RNF138: variants seen among roughly 807,000 people sequenced by gnomAD.
The protein encoded by RNF138 is E3 ubiquitin-protein ligase RNF138.
RNF138 carries 12 observed loss-of-function variants against 31.0 expected under a neutral mutation model. The ratio of observed to expected loss-of-function variants is 0.39; its 90% CI spans 0.25 to 0.63. The LOEUF is 0.63. Ranked by LOEUF, RNF138 falls within the 20% of genes least tolerant of loss-of-function variation. The pLI is 0.52. For missense variants in RNF138, 192 were observed against 300.1 expected (o/e 0.64, Z 2.66); for synonymous variants, 105 against 99.5 (o/e 1.06, Z -0.33).
At position 32,092,708 on chromosome 18, in the gene RNF138, G is replaced by T. The variant is rs1238051203; in HGVS notation, c.-69G>T. On this transcript the variant is annotated 5_prime_UTR_variant, in exon 2 of 8. Coordinates refer to ENST00000261593, the MANE Select transcript of RNF138 (RefSeq NM_016271.5). ...CCTCCGGGTTCATGTAGGGAGTCGG[G>T]CCCCGGGCCGCCACCGTCACCTCGG... 2 of 949,104 alleles carry T rather than the reference G, an allele frequency of 2.1e-6. No individual in the cohort carries two copies. Among genetic ancestry groups the T allele is most frequent in the Admixed American group, 4.1e-5 (2 of 48,900 alleles). The allele number at this position is 949,104 out of a possible 1,614,324, so 58.8% of individuals were successfully genotyped here. A position where few individuals can be genotyped will look rare whatever the true frequency, so the allele number is the denominator to read the frequency against.
At chr18:32,123,139 T>A (rs16962717) in intron 4 of RNF138, among the ~76,000 whole-genome samples, 4,308 of 152,228 alleles carry the variant, frequency 0.028, 217 homozygotes, top group African/African-American at 0.099. Flanking sequence ...GTAAAAAAGT[T>A]CACAAATTCT....
chr18:32,105,740 T>C (rs2040017651), intron 2 of RNF138, among the ~76,000 whole-genome samples: 1 of 152,216 alleles, frequency 6.6e-6, no homozygotes, highest in South Asian at 2.1e-4. Flanking sequence ...GTCTAAAAGT[T>C]AAAAAATTTC....
intron 3 of RNF138, among the ~76,000 whole-genome samples, chr18:32,113,001 G>A (rs2040158252): frequency 6.6e-6 from 1 of 152,190 alleles, no homozygotes; most frequent in African/African-American, 2.4e-5. Context: ...ATGACGTGAA[G>A]CTGGAAAACA....
intron 5 of RNF138, 157 bp from the exon 6 acceptor site, chr18:32,124,577 C>T: frequency 3.5e-6 from 2 of 577,352 alleles, no homozygotes; most frequent in Non-Finnish European, 6.2e-6. Flanking sequence ...TGTAATGCAT[C>T]ATTTCCTGAA....
At chr18:32,104,186 G>C (rs946179232) in intron 2 of RNF138, among the ~76,000 whole-genome samples, 1 of 151,468 alleles carries the variant, frequency 6.6e-6, no homozygotes, top group Non-Finnish European at 1.5e-5. Flanking sequence ...GCGAATTTTT[G>C]TATTTTAGTA....
At chr18:32,097,972 GTGTGTTA>G (rs748268521) in intron 2 of RNF138, among the ~76,000 whole-genome samples, 7 of 113,398 alleles carry the variant, frequency 6.2e-5, no homozygotes, top group African/African-American at 1.6e-4. Flanking sequence ...GTGTGTGTGT[GTGTGTTA>G]TTTTTGTTTG....
Position 32,129,148 on chromosome 18 carries a change from C to T in RNF138, c.699C>T (p.Tyr233=), listed in dbSNP as rs878993039. ...VNLQLDEETQ[Y]QTAVEESFQV... Reference sequence around the variant, plus strand: ...TTCAGCTAGATGAAGAAACCCAATACCAAACTGCTGTTGAAGAATCTTTTC... The same window carrying T: ...TTCAGCTAGATGAAGAAACCCAATATCAAACTGCTGTTGAAGAATCTTTTC... The change falls in exon 8 of 8, where the codon TAC becomes TAT. Residue 233 remains tyrosine (Y), a synonymous_variant. Transcript: ENST00000261593. 1 of 1,612,518 alleles carries T rather than the reference C, an allele frequency of 6.2e-7. No homozygotes were observed. Among genetic ancestry groups the T allele is most frequent in the Non-Finnish European group, 8.5e-7 (1 of 1,178,998 alleles).
At chr18:32,109,247 A>G (rs1000233669) in intron 2 of RNF138, among the ~76,000 whole-genome samples, 7 of 150,948 alleles carry the variant, frequency 4.6e-5, no homozygotes, top group Non-Finnish European at 8.8e-5. Flanking sequence ...TCTGCCTCAC[A>G]GGCTCAAGTG....
intron 2 of RNF138, among the ~76,000 whole-genome samples, chr18:32,093,685 A>T (rs1206769781): frequency 6.6e-6 from 1 of 152,176 alleles, no homozygotes; most frequent in African/African-American, 2.4e-5. Flanking sequence ...AGGGTGGGGG[A>T]GAACACAAAG....
At chr18:32,112,851 A>G (rs2040155549) in intron 3 of RNF138, among the ~76,000 whole-genome samples, 1 of 152,198 alleles carries the variant, frequency 6.6e-6, no homozygotes, top group East Asian at 1.9e-4. Flanking sequence ...GAGTATATCC[A>G]TGTGTCTATA....
intron 4 of RNF138, among the ~76,000 whole-genome samples, chr18:32,116,819 C>T (rs1005343390): frequency 2.6e-4 from 40 of 152,016 alleles, no homozygotes; most frequent in South Asian, 1.0e-3. Context: ...TCCTGACCTC[C>T]GGTGATCCAC....
intron 7 of RNF138, among the ~76,000 whole-genome samples, chr18:32,127,487 A>G (rs1325570291): frequency 6.6e-6 from 1 of 152,216 alleles, no homozygotes; most frequent in Non-Finnish European, 1.5e-5. Flanking sequence ...TTAGGTAAGC[A>G]GAGTGACATG....
At position 32,130,468 on chromosome 18, in the gene RNF138, A is replaced by G. The variant is rs1232569852; in HGVS notation, c.*1281A>G. 1 of 152,458 alleles carries G rather than the reference A, an allele frequency of 6.6e-6. No individual in the cohort carries two copies. The highest frequency in any genetic ancestry group is 1.5e-5 in the Non-Finnish European group (1 of 67,880). 9.4% of individuals were successfully genotyped at this position (152,458 alleles called of 1,614,324 possible). On this transcript the variant is annotated 3_prime_UTR_variant, in exon 8 of 8. Transcript: ENST00000261593. ...TAGTGAGAATCACAAAGTATTTTGT[A>G]GAAGGCCCAAATCACAGAATAAAGG...
chr18:32,091,889 C>CTA lies in RNF138; in HGVS notation c.-421_-420dup, dbSNP rs2039693493. ...CGCGGAAGGCGCCGTGCGCCGGTTG[C>CTA]TATACAGGCCGCACTTCACACCCCG... On this transcript the variant is annotated 5_prime_UTR_variant, in exon 1 of 8. Transcript: ENST00000261593. 6.6e-6 allele frequency: 1 copy of CTA among 152,120 alleles called. No homozygotes were observed. The allele number at this position is 152,120 out of a possible 1,614,324, so 9.4% of individuals were successfully genotyped here.
rs904094912 is a variant in RNF138, at chr18:32,113,871, C to G, written c.392+11C>G. On this transcript the variant is annotated intron_variant, in intron 4 of 7. Transcript: ENST00000261593. ...TTCAGTAGGGAACAGGTAAGCAATA[C>G]TTATTCCTAAATACAGAATTTTCAT... The G allele has an allele frequency of 8.2e-7, 1 of 1,219,760 alleles. No individual in the cohort carries two copies. Among genetic ancestry groups the G allele is most frequent in the Admixed American group, 2.4e-5 (1 of 41,860 alleles). The allele number at this position is 1,219,760 out of a possible 1,614,324, so 75.6% of individuals were successfully genotyped here. A position where few individuals can be genotyped will look rare whatever the true frequency, so the allele number is the denominator to read the frequency against.
At chr18:32,116,965 G>T (rs182846723) in intron 4 of RNF138, among the ~76,000 whole-genome samples, 1 of 152,056 alleles carries the variant, frequency 6.6e-6, no homozygotes, top group Admixed American at 6.6e-5. Flanking sequence ...GCAGTGGTGC[G>T]ATCTCAGCTC....
chr18:32,128,752 G>A (rs924016853), intron 7 of RNF138, among the ~76,000 whole-genome samples: 1 of 152,050 alleles, frequency 6.6e-6, no homozygotes, highest in African/African-American at 2.4e-5. Flanking sequence ...GGCTCAAACT[G>A]TCTTCTGCCT....
chr18:32,105,266 A>G (rs2040010301), intron 2 of RNF138, among the ~76,000 whole-genome samples: 1 of 151,896 alleles, frequency 6.6e-6, no homozygotes, highest in African/African-American at 2.4e-5. Flanking sequence ...TAATTTTTGT[A>G]TTTTTAGTAG....
At chr18:32,099,543 C>T (rs991874109) in intron 2 of RNF138, among the ~76,000 whole-genome samples, 29 of 152,284 alleles carry the variant, frequency 1.9e-4, no homozygotes, top group African/African-American at 7.0e-4. Flanking sequence ...GCTGGAACTA[C>T]AGGCATGCAC....
Sources: gnomAD v4.1 joint callset for allele counts (sites outside exome capture counted in the v4.1 genomes callset) on GRCh38, gnomAD v4.1.1 for gene constraint, MANE v1.5 for transcripts, NCBI Gene and HGNC (gene_info 2026-07-23, HGNC 2026-07-21) for gene names.